RAP1GAP2: variants seen among roughly 807,000 people sequenced by gnomAD.
RAP1GAP2 encodes the protein rap1 GTPase-activating protein 2.
RAP1GAP2 carries 27 observed loss-of-function variants against 95.0 expected under a neutral mutation model. That is an observed-to-expected ratio of 0.28 (90% CI 0.21 to 0.39). The LOEUF is 0.39. RAP1GAP2 is among the 10% of genes least tolerant of loss of function. The probability of loss-of-function intolerance (pLI) is 1.00; values close to 1 mark genes in which losing one functional copy is unlikely to be tolerated. For synonymous variants in RAP1GAP2, 373 were observed against 380.9 expected, an observed-to-expected ratio of 0.98 and a Z score of 0.24; for missense variants, 771 against 970.0, an observed-to-expected ratio of 0.79 and a Z score of 2.72.
At chr17:3,019,557 A>T (rs962960738) in intron 18 of RAP1GAP2, among the ~76,000 whole-genome samples, 3 of 152,186 alleles carry the variant, frequency 2.0e-5, no homozygotes, top group Non-Finnish European at 4.4e-5. Flanking sequence ...ATTTGTATAG[A>T]CTAGGATTTT....
chr17:2,985,506 C>T (rs1431321286), intron 11 of RAP1GAP2, among the ~76,000 whole-genome samples: 4 of 152,248 alleles, frequency 2.6e-5, no homozygotes, highest in Admixed American at 6.5e-5. Flanking sequence ...AACTCTGTTC[C>T]GTGACATCAT....
At chr17:2,913,188 A>G (rs1442789014) in intron 3 of RAP1GAP2, among the ~76,000 whole-genome samples, 2 of 147,996 alleles carry the variant, frequency 1.4e-5, no homozygotes, top group Admixed American at 7.0e-5. Context: ...AAAAAAAAAG[A>G]AAAAGAAAAC....
chr17:2,962,434 G>A (rs1168190662), intron 4 of RAP1GAP2: 1 of 502,534 alleles, frequency 2.0e-6, no homozygotes, highest in Non-Finnish European at 3.5e-6. Context: ...GCAGTGTTGG[G>A]ATTTGAACCC....
At chr17:2,863,409 A>AGCCT (rs1350868466) in intron 2 of RAP1GAP2, among the ~76,000 whole-genome samples, 1 of 152,154 alleles carries the variant, frequency 6.6e-6, no homozygotes, top group Non-Finnish European at 1.5e-5. Context: ...AGGGCTGGGC[A>AGCCT]GCCTGGCTGG....
chr17:3,002,412 C>T (rs369576009), intron 14 of RAP1GAP2, among the ~76,000 whole-genome samples: 23 of 152,320 alleles, frequency 1.5e-4, no homozygotes, highest in Non-Finnish European at 2.4e-4. Flanking sequence ...GAAGGCCAGA[C>T]GTGTGAATGA....
At chr17:2,985,736 G>C (rs1358997072) in intron 11 of RAP1GAP2, among the ~76,000 whole-genome samples, 2 of 152,164 alleles carry the variant, frequency 1.3e-5, no homozygotes, top group East Asian at 3.8e-4. Flanking sequence ...GTCTGATGGT[G>C]TACTCTGTGA....
intron 17 of RAP1GAP2, among the ~76,000 whole-genome samples, chr17:3,011,299 C>T (rs958524957): frequency 1.3e-5 from 2 of 152,176 alleles, no homozygotes; most frequent in African/African-American, 2.4e-5. Flanking sequence ...TCGTCATTGC[C>T]CTCACATCTC....
intron 1 of RAP1GAP2, among the ~76,000 whole-genome samples, chr17:2,758,808 T>G (rs1013558080): frequency 1.3e-5 from 2 of 152,122 alleles, no homozygotes; most frequent in Non-Finnish European, 2.9e-5. Flanking sequence ...CTGAAAAAAC[T>G]CTAGGAGCTC....
At chr17:2,844,707 A>G (rs2071511606) in intron 2 of RAP1GAP2, among the ~76,000 whole-genome samples, 1 of 152,206 alleles carries the variant, frequency 6.6e-6, no homozygotes, top group African/African-American at 2.4e-5. Flanking sequence ...AGAGTCCAGA[A>G]GGAAACTGTT....
At chr17:2,970,273 C>CAAAAAAA (rs869121536) in intron 8 of RAP1GAP2, among the ~76,000 whole-genome samples, 7 of 109,596 alleles carry the variant, frequency 6.4e-5, no homozygotes, top group Non-Finnish European at 7.7e-5. Flanking sequence ...GACTCTGTCT[C>CAAAAAAA]AAAAAAAAAA....
At chr17:2,916,748 A>T (rs1307484860) in intron 3 of RAP1GAP2, among the ~76,000 whole-genome samples, 1 of 152,212 alleles carries the variant, frequency 6.6e-6, no homozygotes, top group Non-Finnish European at 1.5e-5. Flanking sequence ...GACGATGGCG[A>T]TGGTGGCGAT....
rs567193047 is a variant in RAP1GAP2, at chr17:2,866,895, C to T, written c.81-38389C>T. Among the ~76,000 whole-genome samples the T allele has an allele frequency of 5.7e-5, 8 of 139,562 alleles. No individual in the cohort carries two copies. Among genetic ancestry groups the T allele is most frequent in the South Asian group, 2.3e-4 (1 of 4,374 alleles). 91.6% of individuals were successfully genotyped at this position (139,562 alleles called of 152,430 possible). On this transcript the variant is annotated intron_variant, in intron 2 of 24. Coordinates refer to ENST00000254695, the MANE Select transcript of RAP1GAP2 (RefSeq NM_015085.5). The surrounding 1 kb of genome is among the most constrained non-coding windows in gnomAD (Gnocchi z 4.0). ...GATTACAGGTGTGAGCCACTGCACT[C>T]GGCCTATTTTATTTTTTATTTTAGA... is the stretch of plus-strand genomic sequence containing the variant.
chr17:2,952,138 C>T (rs777762738), intron 3 of RAP1GAP2, among the ~76,000 whole-genome samples: 5 of 152,098 alleles, frequency 3.3e-5, no homozygotes, highest in Non-Finnish European at 5.9e-5. Context: ...TATTTTTCTC[C>T]GTGGGGGTGA....
At chr17:2,889,889 A>ATATTTATTTTTTTT (rs1408426152) in intron 2 of RAP1GAP2, among the ~76,000 whole-genome samples, 1 of 57,324 alleles carries the variant, frequency 1.7e-5, no homozygotes, top group East Asian at 6.3e-4. Flanking sequence ...ATATATATAT[A>ATATTTATTTTTTTT]TTTTTTTTTT....
chr17:2,764,882 G>T (rs2068246154), intron 1 of RAP1GAP2, among the ~76,000 whole-genome samples: 1 of 152,196 alleles, frequency 6.6e-6, no homozygotes, highest in Admixed American at 6.5e-5. Context: ...AGGTTTACCA[G>T]TTCATCAGTG....
chr17:2,879,524 A>C (rs2073213491), intron 2 of RAP1GAP2, among the ~76,000 whole-genome samples: 1 of 151,262 alleles, frequency 6.6e-6, no homozygotes, highest in African/African-American at 2.4e-5. Context: ...TCAGGAGTTC[A>C]AGACCAGCCT....
chr17:2,844,999 G>A (rs1029279735), intron 2 of RAP1GAP2, among the ~76,000 whole-genome samples: 1 of 152,188 alleles, frequency 6.6e-6, no homozygotes, highest in East Asian at 1.9e-4. Context: ...TGGTCCCCAG[G>A]AGGTTGAATG....
Position 2,785,921 on chromosome 17 carries a change from GA to G in RAP1GAP2, c.-14+8644del, listed in dbSNP as rs1363890989. On this transcript the variant is annotated intron_variant, in intron 1 of 24. Coordinates refer to the RAP1GAP2 transcript ENST00000540393. ...TGACTTTTTTTTTTTTTTTTTTTTA[GA>G]CAGAGATTTGCTCTTGTTGCCCAGG... Among the ~76,000 whole-genome samples the G allele has an allele frequency of 2.2e-4, 12 of 55,018 alleles. No individual in the cohort carries two copies. The South Asian group carries it at 7.1e-3, about 32-fold the overall frequency. 36.1% of individuals were successfully genotyped at this position (55,018 alleles called of 152,430 possible).
intron 2 of RAP1GAP2, among the ~76,000 whole-genome samples, chr17:2,862,147 G>T (rs1190100650): frequency 4.3e-4 from 66 of 152,192 alleles, no homozygotes; most frequent in Non-Finnish European, 4.4e-5. Flanking sequence ...AGAGGGACCA[G>T]GCTCAGCCAT....
Sources: allele counts gnomAD v4.1 joint callset (sites outside exome capture counted in the v4.1 genomes callset), GRCh38; gene constraint gnomAD v4.1.1; non-coding constraint Gnocchi (gnomAD v3.1); transcripts MANE v1.5; gene names NCBI Gene and HGNC (gene_info 2026-07-23, HGNC 2026-07-21).